The following ARHGAP24 variants were observed in gnomAD, a reference collection of about 807,000 sequenced individuals.
ARHGAP24 encodes the protein Rho GTPase activating protein 24.
A neutral mutation model predicts 76.4 loss-of-function variants in ARHGAP24; 50 were observed. The ratio of observed to expected loss-of-function variants is 0.65; its 90% CI spans 0.52 to 0.83. ARHGAP24 has a LOEUF of 0.83. Among genes scored for constraint, ARHGAP24 ranks in the 40% least tolerant of loss-of-function variants. ARHGAP24 has a pLI of 0.00. For missense variants in ARHGAP24, 930 were observed against 914.2 expected, an observed-to-expected ratio of 1.02 and a Z score of -0.22; for synonymous variants, 345 against 323.3, an observed-to-expected ratio of 1.07 and a Z score of -0.72.
intron 3 of ARHGAP24, among the ~76,000 whole-genome samples, chr4:85,806,994 C>T (rs13107701): frequency 0.088 from 13,436 of 152,218 alleles, 703 homozygotes; most frequent in Middle Eastern, 0.22. Flanking sequence ...TTAACCAAAT[C>T]AAAGGCACCC....
At chr4:85,844,262 G>A (rs981648936) in intron 3 of ARHGAP24, among the ~76,000 whole-genome samples, 1 of 152,190 alleles carries the variant, frequency 6.6e-6, no homozygotes, top group Non-Finnish European at 1.5e-5. Context: ...AAGAGATATA[G>A]AGTCTCCAAT....
At chr4:85,501,940 T>C (rs886794535) in intron 1 of ARHGAP24, among the ~76,000 whole-genome samples, 2 of 152,200 alleles carry the variant, frequency 1.3e-5, no homozygotes, top group Admixed American at 6.5e-5. Context: ...TTTCTACATA[T>C]GGCTAGCCAG....
intron 3 of ARHGAP24, among the ~76,000 whole-genome samples, chr4:85,733,060 C>CTTTTTTTTTTT (rs1210109366): frequency 0.45 from 25,030 of 55,018 alleles, 10,765 homozygotes; most frequent in Non-Finnish European, 0.62. Flanking sequence ...GCCTCACCAA[C>CTTTTTTTTTTT]TTTTTTTTTT....
intron 2 of ARHGAP24, among the ~76,000 whole-genome samples, chr4:85,584,684 A>T (rs915237302): frequency 6.6e-6 from 1 of 152,164 alleles, no homozygotes; most frequent in African/African-American, 2.4e-5. Context: ...AAGTCCAGGA[A>T]GGAAAAAATA....
chr4:85,579,479 T>C (rs1395744337), intron 2 of ARHGAP24, among the ~76,000 whole-genome samples: 1 of 148,702 alleles, frequency 6.7e-6, no homozygotes, highest in African/African-American at 2.5e-5. Context: ...CATTTGTTAC[T>C]TGTTCTCTTT....
At chr4:85,826,157 TC>T (rs1729702703) in intron 3 of ARHGAP24, among the ~76,000 whole-genome samples, 1 of 151,970 alleles carries the variant, frequency 6.6e-6, no homozygotes, top group African/African-American at 2.4e-5. Context: ...CCCGCCCCTC[TC>T]CACAACTCGA....
intron 2 of ARHGAP24, among the ~76,000 whole-genome samples, chr4:85,640,384 T>A (rs934087075): frequency 1.3e-5 from 2 of 152,198 alleles, no homozygotes; most frequent in Non-Finnish European, 2.9e-5. Flanking sequence ...TGGTCTTCCC[T>A]ATGTGGCCCC....
At chr4:85,988,971 T>G (rs1245409855) in intron 8 of ARHGAP24, among the ~76,000 whole-genome samples, 2 of 151,620 alleles carry the variant, frequency 1.3e-5, no homozygotes, top group African/African-American at 4.8e-5. Context: ...TTATCTAAGT[T>G]TCCTTTTCAG....
intron 3 of ARHGAP24, among the ~76,000 whole-genome samples, chr4:85,846,722 G>A (rs776290546): frequency 4.6e-5 from 7 of 152,116 alleles, no homozygotes; most frequent in Non-Finnish European, 1.0e-4. Flanking sequence ...ATGAATATCT[G>A]AGAAAAATTG....
intron 2 of ARHGAP24, among the ~76,000 whole-genome samples, chr4:85,624,505 T>C (rs1418666704): frequency 6.6e-6 from 1 of 152,214 alleles, no homozygotes; most frequent in African/African-American, 2.4e-5. Context: ...TTATTGAGGA[T>C]TTTTGTATCA....
At chr4:85,495,341 ATTTTTTTTT>A (rs35138716) in intron 1 of ARHGAP24, among the ~76,000 whole-genome samples, 1 of 53,092 alleles carries the variant, frequency 1.9e-5, no homozygotes, top group Non-Finnish European at 3.7e-5. Context: ...GAAGTACAGA[ATTTTTTTTT>A]TTTTTTTTTT....
intron 2 of ARHGAP24, among the ~76,000 whole-genome samples, chr4:85,697,965 A>G (rs892131327): frequency 6.6e-6 from 1 of 152,230 alleles, no homozygotes; most frequent in Admixed American, 6.5e-5. Context: ...TTCATTGTTT[A>G]ATCTTGAAAT....
At chr4:85,528,201 T>C (rs1229212794) in intron 1 of ARHGAP24, among the ~76,000 whole-genome samples, 2 of 151,906 alleles carry the variant, frequency 1.3e-5, no homozygotes, top group African/African-American at 4.8e-5. Context: ...AAGACAGAGA[T>C]TGGGTCAGAT....
intron 2 of ARHGAP24, among the ~76,000 whole-genome samples, chr4:85,680,789 A>G (rs1015414780): frequency 3.4e-5 from 5 of 148,464 alleles, no homozygotes; most frequent in Non-Finnish European, 7.4e-5. Context: ...TAATATTATA[A>G]TTATAATTAT....
chr4:85,794,467 A>T (rs888992815), intron 3 of ARHGAP24, among the ~76,000 whole-genome samples: 3 of 152,146 alleles, frequency 2.0e-5, no homozygotes, highest in Non-Finnish European at 1.5e-5. Flanking sequence ...TTCATCTTCA[A>T]AGTGTTACTG....
intron 3 of ARHGAP24, among the ~76,000 whole-genome samples, chr4:85,830,818 G>A (rs1221223415): frequency 5.3e-5 from 8 of 152,164 alleles, no homozygotes; most frequent in Non-Finnish European, 1.2e-4. Context: ...GCTCCTCAGT[G>A]GACCGCTGGC....
intron 3 of ARHGAP24, among the ~76,000 whole-genome samples, chr4:85,918,587 AT>A (rs1735545523): frequency 6.6e-6 from 1 of 151,922 alleles, no homozygotes; most frequent in Admixed American, 6.6e-5. Context: ...CTACCTTTTA[AT>A]TTTTTATTAC....
At chr4:85,923,094 C>T (rs1288078392) in intron 3 of ARHGAP24, among the ~76,000 whole-genome samples, 1 of 151,900 alleles carries the variant, frequency 6.6e-6, no homozygotes, top group African/African-American at 2.4e-5. Flanking sequence ...GTTGTGATCT[C>T]GGGGGATGAG....
At chr4:85,790,013 A>AT (rs894231908) in intron 3 of ARHGAP24, among the ~76,000 whole-genome samples, 6 of 151,914 alleles carry the variant, frequency 3.9e-5, no homozygotes, top group African/African-American at 1.5e-4. Flanking sequence ...GTACATTACA[A>AT]TTTTTTTTAT....
Sources: allele counts gnomAD v4.1 joint callset (sites outside exome capture counted in the v4.1 genomes callset), GRCh38; gene constraint gnomAD v4.1.1; transcripts MANE v1.5; gene names NCBI Gene and HGNC (gene_info 2026-07-23, HGNC 2026-07-21).